Variants in CEP112 observed in about 807,000 individuals in gnomAD.
The protein encoded by CEP112 is centrosomal protein 112, also known as centrosomal protein of 112 kDa.
Under a neutral mutation model 153.0 loss-of-function variants are expected in CEP112, and 127 were observed. That is an observed-to-expected ratio of 0.83 (90% confidence interval 0.72 to 0.96). The LOEUF is 0.96. Among genes scored for constraint, CEP112 ranks in the 40% least tolerant of loss-of-function variants. CEP112 has a pLI of 0.00. For synonymous variants in CEP112, 358 were observed against 374.4 expected (o/e 0.96, Z 0.51); for missense variants, 1,089 against 1,101.2 (o/e 0.99, Z 0.16).
intron 6 of CEP112, among the ~76,000 whole-genome samples, chr17:66,102,657 G>T (rs1231528854): frequency 1.3e-5 from 2 of 151,614 alleles, no homozygotes; most frequent in African/African-American, 2.4e-5. Context: ...AATTAGTCGG[G>T]TGTGGTGGCG....
chr17:66,016,068 G>T (rs112081559), intron 16 of CEP112, among the ~76,000 whole-genome samples: 1 of 152,122 alleles, frequency 6.6e-6, no homozygotes, highest in Admixed American at 6.5e-5. Context: ...GTTTCCTTAC[G>T]ATTTCCTTAT....
rs536445434 is a variant in CEP112, at chr17:66,031,032, C to CT, written c.1219-1010dup. Among the ~76,000 whole-genome samples, 345 of 152,278 alleles carry CT rather than the reference C, an allele frequency of 2.3e-3. 2 individuals are homozygous for CT. The highest frequency in any genetic ancestry group is 7.1e-3 in the African/African-American group (296 of 41,556). ...CTTCCAATCTATATAAATGACTTATCTAACTTAAAAGCATGGTTTATAGAC... is the reference window on the plus strand; with the variant it reads ...CTTCCAATCTATATAAATGACTTATCTTAACTTAAAAGCATGGTTTATAGAC... On this transcript the variant is annotated intron_variant, in intron 12 of 26. Transcript: ENST00000535342.
At chr17:66,044,885 G>A (rs1228046844) in intron 12 of CEP112, among the ~76,000 whole-genome samples, 1 of 151,676 alleles carries the variant, frequency 6.6e-6, no homozygotes, top group Non-Finnish European at 1.5e-5. Flanking sequence ...AAAGAATGAC[G>A]AAAAAGAATG....
chr17:65,698,085 AC>A (rs761815104), intron 23 of CEP112, among the ~76,000 whole-genome samples: 16 of 152,138 alleles, frequency 1.1e-4, no homozygotes, highest in African/African-American at 3.9e-4. Flanking sequence ...TCTTAAAAAA[AC>A]AAAACAAAAC....
At chr17:66,059,077 A>G (rs981708287) in intron 11 of CEP112, among the ~76,000 whole-genome samples, 1 of 152,214 alleles carries the variant, frequency 6.6e-6, no homozygotes, top group Non-Finnish European at 1.5e-5. Flanking sequence ...CTTATCCAAT[A>G]AATGGGATGA....
At chr17:65,791,731 C>G (rs1324019390) in intron 21 of CEP112, among the ~76,000 whole-genome samples, 1 of 152,062 alleles carries the variant, frequency 6.6e-6, no homozygotes, top group African/African-American at 2.4e-5. Context: ...AACTGGCTTA[C>G]TTTAATGGTT....
chr17:65,806,197 T>C (rs1219650932), intron 21 of CEP112, among the ~76,000 whole-genome samples: 2 of 152,112 alleles, frequency 1.3e-5, no homozygotes, highest in Non-Finnish European at 2.9e-5. Flanking sequence ...GCCAGGCATG[T>C]GCCCAGGGGA....
At chr17:65,667,455 G>A (rs989097020) in intron 24 of CEP112, among the ~76,000 whole-genome samples, 3 of 152,030 alleles carry the variant, frequency 2.0e-5, no homozygotes, top group African/African-American at 7.3e-5. Context: ...GACTAAAACT[G>A]TGGTCCCACT....
At chr17:65,813,364 G>A (rs1420254037) in intron 21 of CEP112, among the ~76,000 whole-genome samples, 1 of 152,194 alleles carries the variant, frequency 6.6e-6, no homozygotes. Flanking sequence ...TGAGGAATTA[G>A]GAACCCAATC....
chr17:65,977,391 A>G (rs1048080943), intron 17 of CEP112, among the ~76,000 whole-genome samples: 4 of 152,214 alleles, frequency 2.6e-5, no homozygotes, highest in African/African-American at 9.6e-5. Flanking sequence ...GAAGAAGAGC[A>G]ATGCAGTATA....
At chr17:66,049,578 C>T (rs373727444) in intron 12 of CEP112, among the ~76,000 whole-genome samples, 393 of 152,166 alleles carry the variant, frequency 2.6e-3, no homozygotes, top group Middle Eastern at 0.01. Flanking sequence ...GGCAAAACTC[C>T]ATCTCTACTA....
intron 21 of CEP112, among the ~76,000 whole-genome samples, chr17:65,769,649 G>A (rs2053217562): frequency 6.6e-6 from 1 of 151,990 alleles, no homozygotes; most frequent in Non-Finnish European, 1.5e-5. Context: ...AGGGCAACAA[G>A]AAAACACAGT....
At chr17:65,693,319 T>C (rs1194375238) in intron 23 of CEP112, among the ~76,000 whole-genome samples, 1 of 152,098 alleles carries the variant, frequency 6.6e-6, no homozygotes, top group Non-Finnish European at 1.5e-5. Context: ...CACCAGTCAC[T>C]TGTCATCTAC....
At chr17:65,930,741 C>T (rs2061089119) in intron 18 of CEP112, among the ~76,000 whole-genome samples, 2 of 152,198 alleles carry the variant, frequency 1.3e-5, no homozygotes, top group South Asian at 4.1e-4. Context: ...GTGAGATTCT[C>T]CTTAATCTGT....
At chr17:65,645,675 T>C (rs1378380852) in intron 24 of CEP112, among the ~76,000 whole-genome samples, 3 of 152,254 alleles carry the variant, frequency 2.0e-5, no homozygotes, top group African/African-American at 7.2e-5. Context: ...GTGAATGCTT[T>C]GACACTGTGA....
intron 17 of CEP112, among the ~76,000 whole-genome samples, chr17:65,996,129 CGTGTGT>C (rs3055983): frequency 0.27 from 38,603 of 145,354 alleles, 6,188 homozygotes; most frequent in East Asian, 0.78. Flanking sequence ...GAAAAATATA[CGTGTGT>C]GTGTGTGTGT....
chr17:65,711,516 C>T (rs2049183166), intron 23 of CEP112, among the ~76,000 whole-genome samples: 1 of 152,070 alleles, frequency 6.6e-6, no homozygotes. Flanking sequence ...AATGGGCAAC[C>T]ATATTTACCT....
At chr17:65,770,428 T>C (rs1385689252) in intron 21 of CEP112, among the ~76,000 whole-genome samples, 2 of 151,918 alleles carry the variant, frequency 1.3e-5, no homozygotes, top group Non-Finnish European at 2.9e-5. Context: ...AGCACACATA[T>C]TCAAAGAAAA....
chr17:65,752,538 C>T (rs573319853), intron 21 of CEP112, among the ~76,000 whole-genome samples: 1 of 152,324 alleles, frequency 6.6e-6, no homozygotes, highest in Non-Finnish European at 1.5e-5. Context: ...GTACCTGAGG[C>T]CCTTTCTCAT....
Sources: gnomAD v4.1 joint callset for allele counts (sites outside exome capture counted in the v4.1 genomes callset) on GRCh38, gnomAD v4.1.1 for gene constraint, MANE v1.5 for transcripts, NCBI Gene and HGNC (gene_info 2026-07-23, HGNC 2026-07-21) for gene names.